Variants in RAD51AP1 observed in about 807,000 individuals in gnomAD.
The protein encoded by RAD51AP1 is RAD51-associated protein 1.
In RAD51AP1, 14 loss-of-function variants were observed where a neutral mutation model predicts 34.3. That is an observed-to-expected ratio of 0.41 (90% CI 0.27 to 0.64). The LOEUF is 0.64. Ranked by LOEUF, RAD51AP1 falls within the 30% of genes least tolerant of loss-of-function variation. RAD51AP1 has a pLI of 0.33. For synonymous variants in RAD51AP1, 114 were observed against 129.8 expected (o/e 0.88, Z 0.83); for missense variants, 348 against 386.9 (o/e 0.90, Z 0.84).
rs1375032744 is a variant in RAD51AP1, at chr12:4,539,603, A to G, written c.17+647A>G. Reference sequence around the variant, plus strand: ...ATAAGCCTCGAAATATGAGAGTGCGAAAGAGGAAAGCACTACTTTAAATAT... The same window carrying G: ...ATAAGCCTCGAAATATGAGAGTGCGGAAGAGGAAAGCACTACTTTAAATAT... On this transcript the variant is annotated intron_variant, in intron 1 of 8. Coordinates refer to ENST00000352618, the MANE Select transcript of RAD51AP1 (RefSeq NM_006479.5). Among the ~76,000 whole-genome samples the G allele has an allele frequency of 2.6e-5, 4 of 152,194 alleles. No homozygotes were observed. In the East Asian group the frequency reaches 7.7e-4, roughly 29 times the overall value.
intron 2 of RAD51AP1, among the ~76,000 whole-genome samples, chr12:4,542,572 C>CTT (rs34064065): frequency 2.9e-5 from 4 of 139,908 alleles, no homozygotes; most frequent in Non-Finnish European, 3.1e-5. Context: ...TAACATCTAG[C>CTT]TTTTTTTTTT....
intron 5 of RAD51AP1, among the ~76,000 whole-genome samples, chr12:4,548,420 G>T (rs770259866): frequency 3.3e-5 from 5 of 152,182 alleles, no homozygotes; most frequent in Non-Finnish European, 5.9e-5. Context: ...GAAGAAAGGG[G>T]CTGCATATTC....
At chr12:4,555,572 T>G (rs1477156995) in intron 7 of RAD51AP1, among the ~76,000 whole-genome samples, 1 of 152,144 alleles carries the variant, frequency 6.6e-6, no homozygotes, top group East Asian at 1.9e-4. Context: ...AGTGTCTATC[T>G]CTCACATTTC....
Position 4,538,966 on chromosome 12 carries a change from T to G in RAD51AP1, c.17+10T>G. The G allele has an allele frequency of 6.2e-7, 1 of 1,610,210 alleles. No individual in the cohort carries two copies. The highest frequency in any genetic ancestry group is 1.1e-5 in the South Asian group (1 of 91,056). On this transcript the variant is annotated intron_variant, in intron 1 of 8. Coordinates refer to ENST00000352618, the MANE Select transcript of RAD51AP1 (RefSeq NM_006479.5). ...TGGTGCGGCCTGTGAGGTGGGTAGTTCCTGACATTCGTCGGGGGTGGGAGG... is the reference window on the plus strand; with the variant it reads ...TGGTGCGGCCTGTGAGGTGGGTAGTGCCTGACATTCGTCGGGGGTGGGAGG...
chr12:4,543,072 T>C (rs182859590), intron 2 of RAD51AP1, among the ~76,000 whole-genome samples: 16 of 152,288 alleles, frequency 1.1e-4, no homozygotes, highest in African/African-American at 3.6e-4. Flanking sequence ...TTTTTTCTCT[T>C]TTTTTTGAGA....
chr12:4,541,148 C>T (rs1210581368), intron 1 of RAD51AP1, among the ~76,000 whole-genome samples: 1 of 152,152 alleles, frequency 6.6e-6, no homozygotes, highest in Admixed American at 6.5e-5. Flanking sequence ...GCAGTACCTA[C>T]ATGGCACTCA....
rs1944569566 is a variant in RAD51AP1, at chr12:4,554,573, A to G, written c.721+1426A>G. On this transcript the variant is annotated intron_variant, in intron 7 of 8. Transcript: ENST00000352618. ...TTATGCTTCTTCACCAAGACACACT[A>G]ATAACTAAAAATAAAACTTCAGTTC... Among the ~76,000 whole-genome samples the G allele has an allele frequency of 2.6e-5, 4 of 152,220 alleles. No individual in the cohort carries two copies. The South Asian group carries it at 8.3e-4, about 32-fold the overall frequency.
Position 4,559,087 on chromosome 12 carries a change from A to T in RAD51AP1, c.*94A>T, listed in dbSNP as rs1490881391. 1.4e-6 allele frequency: 2 copies of T among 1,445,110 alleles called. No homozygotes were observed. Among genetic ancestry groups the T allele is most frequent in the African/African-American group, 2.8e-5 (2 of 70,946 alleles). 89.5% of individuals were successfully genotyped at this position (1,445,110 alleles called of 1,614,324 possible). A position where few individuals can be genotyped will look rare whatever the true frequency, so the allele number is the denominator to read the frequency against. Reference sequence around the variant, plus strand: ...GTTTATATTTGAGGCAGGTATTGTAATATAAAGGAATCCATTACCATGTCC... The same window carrying T: ...GTTTATATTTGAGGCAGGTATTGTATTATAAAGGAATCCATTACCATGTCC... On this transcript the variant is annotated 3_prime_UTR_variant, in exon 9 of 9. Coordinates refer to ENST00000352618, the MANE Select transcript of RAD51AP1 (RefSeq NM_006479.5).
intron 1 of RAD51AP1, among the ~76,000 whole-genome samples, chr12:4,540,399 A>G (rs1261510246): frequency 6.6e-6 from 1 of 152,194 alleles, no homozygotes; most frequent in African/African-American, 2.4e-5. Flanking sequence ...AACTCCTTTC[A>G]TAACAATACT....
In RAD51AP1 at chr12:4,559,067, T is replaced by C; in HGVS notation, c.*74T>C. Reference sequence around the variant, plus strand: ...GGTGTTTATATTTGATTTGTGTTTATATTTGAGGCAGGTATTGTAATATAA... The same window carrying C: ...GGTGTTTATATTTGATTTGTGTTTACATTTGAGGCAGGTATTGTAATATAA... On this transcript the variant is annotated 3_prime_UTR_variant, in exon 9 of 9. Coordinates refer to ENST00000352618, the MANE Select transcript of RAD51AP1 (RefSeq NM_006479.5). 2.6e-6 allele frequency: 4 copies of C among 1,535,604 alleles called. No homozygotes were observed. Among genetic ancestry groups the C allele is most frequent in the Non-Finnish European group, 3.6e-6 (4 of 1,124,936 alleles).
At chr12:4,546,857 T>C (rs542596237) in intron 4 of RAD51AP1, among the ~76,000 whole-genome samples, 5 of 152,362 alleles carry the variant, frequency 3.3e-5, no homozygotes, top group African/African-American at 1.2e-4. Flanking sequence ...AGAATGGCTT[T>C]TGGATTTCTC....
chr12:4,554,298 T>C (rs1944567544), intron 7 of RAD51AP1, among the ~76,000 whole-genome samples: 1 of 152,232 alleles, frequency 6.6e-6, no homozygotes, highest in Non-Finnish European at 1.5e-5. Context: ...CTGACTTTCT[T>C]CCTGCTCACG....
At chr12:4,551,814 T>C (rs1280673838) in intron 6 of RAD51AP1, among the ~76,000 whole-genome samples, 1 of 152,208 alleles carries the variant, frequency 6.6e-6, no homozygotes, top group Non-Finnish European at 1.5e-5. Context: ...TTTATTTTAA[T>C]ATACTACAAA....
chr12:4,549,185 T>G (rs538363892), intron 6 of RAD51AP1, among the ~76,000 whole-genome samples: 31 of 152,312 alleles, frequency 2.0e-4, no homozygotes, highest in Admixed American at 1.1e-3. Context: ...AGGCTGGTAC[T>G]AATCAGGGAG....
At chr12:4,557,144 G>A (rs954242740) in intron 8 of RAD51AP1, among the ~76,000 whole-genome samples, 7 of 152,234 alleles carry the variant, frequency 4.6e-5, no homozygotes, top group Admixed American at 3.3e-4. Context: ...TGCATGAACC[G>A]TCCACTTCAG....
intron 8 of RAD51AP1, among the ~76,000 whole-genome samples, chr12:4,557,909 T>C (rs1043879746): frequency 2.0e-5 from 3 of 152,128 alleles, no homozygotes; most frequent in African/African-American, 7.2e-5. Flanking sequence ...TAGATCTGAT[T>C]GCTGTTTTCA....
At chr12:4,548,023 A>T in intron 4 of RAD51AP1, 69 bp from the exon 5 acceptor site, 1 of 1,438,428 alleles carries the variant, frequency 7.0e-7, no homozygotes, top group Non-Finnish European at 9.4e-7. Context: ...ACATTTTAGT[A>T]CTAATTTTCC....
At chr12:4,544,855 G>T (rs1200957380) in intron 3 of RAD51AP1, among the ~76,000 whole-genome samples, 1 of 152,140 alleles carries the variant, frequency 6.6e-6, no homozygotes, top group African/African-American at 2.4e-5. Flanking sequence ...TTAGCTGTGA[G>T]GGCAATGCAA....
Position 4,557,468 on chromosome 12 carries a change from A to G in RAD51AP1, c.871+966A>G, listed in dbSNP as rs371185914. Among the ~76,000 whole-genome samples, 4 of 152,242 alleles carry G rather than the reference A, an allele frequency of 2.6e-5. No homozygotes were observed. In the East Asian group the frequency reaches 7.7e-4, roughly 29 times the overall value. ...TAATCTTTAAAGTCCATTCTGGTTT[A>G]CAACTTCTAAGATTTTTAATGAGGA... On this transcript the variant is annotated intron_variant, in intron 8 of 8. Coordinates refer to ENST00000352618, the MANE Select transcript of RAD51AP1 (RefSeq NM_006479.5).
Sources: allele counts gnomAD v4.1 joint callset (sites outside exome capture counted in the v4.1 genomes callset), GRCh38; gene constraint gnomAD v4.1.1; transcripts MANE v1.5; gene names NCBI Gene and HGNC (gene_info 2026-07-23, HGNC 2026-07-21).